The following PCDHA2 variants were observed in gnomAD, a reference collection of about 807,000 sequenced individuals.
PCDHA2 encodes protocadherin alpha 2, also known as protocadherin alpha-2.
A neutral mutation model predicts 66.0 loss-of-function variants in PCDHA2; 58 were observed. That is an observed-to-expected ratio of 0.88 (90% CI 0.71 to 1.09). The LOEUF (loss-of-function observed/expected upper bound fraction) is 1.09. Among genes scored for constraint, PCDHA2 ranks in the 50% least tolerant of loss-of-function variants. PCDHA2 has a pLI of 0.00. For synonymous variants in PCDHA2, 634 were observed against 554.0 expected (o/e 1.14, Z -2.03); for missense variants, 1,267 against 1,242.3 (o/e 1.02, Z -0.30).
At chr5:140,993,571 G>A (rs1298531948) in intron 3 of PCDHA2, among the ~76,000 whole-genome samples, 1 of 151,484 alleles carries the variant, frequency 6.6e-6, no homozygotes, top group Non-Finnish European at 1.5e-5. Flanking sequence ...TCCTTTCTAG[G>A]GATGCTTTTC....
At chr5:140,968,660 C>T in intron 1 of PCDHA2, 1 of 1,614,166 alleles carries the variant, frequency 6.2e-7, no homozygotes, top group Non-Finnish European at 8.5e-7. Flanking sequence ...TGACCTGGAC[C>T]TCTTTAAGGT....
At chr5:140,967,051 G>A in intron 1 of PCDHA2, 1 of 1,612,562 alleles carries the variant, frequency 6.2e-7, no homozygotes, top group Non-Finnish European at 8.5e-7. Context: ...TGGACCTGAC[G>A]AGTGGAGCGC....
At position 140,882,067 on chromosome 5, in the gene PCDHA2, G is replaced by A. The variant is rs1031145324; in HGVS notation, c.2388+84715G>A. 7.1e-6 allele frequency: 6 copies of A among 848,700 alleles called. No individual in the cohort carries two copies. The East Asian group carries it at 8.0e-5, about 11-fold the overall frequency. 52.6% of individuals were successfully genotyped at this position (848,700 alleles called of 1,614,324 possible). A position where few individuals can be genotyped will look rare whatever the true frequency, so the allele number is the denominator to read the frequency against. ...GTCATACTTACACTTACACGTTCATGCGCATGGTGTCGCTCTTCACTGAGA... is the reference window on the plus strand; with the variant it reads ...GTCATACTTACACTTACACGTTCATACGCATGGTGTCGCTCTTCACTGAGA... On this transcript the variant is annotated intron_variant, in intron 1 of 3. Transcript: ENST00000526136.
At chr5:140,962,438 G>A (rs1375451859) in intron 1 of PCDHA2, among the ~76,000 whole-genome samples, 3 of 152,108 alleles carry the variant, frequency 2.0e-5, no homozygotes, top group Non-Finnish European at 2.9e-5. Context: ...CTTATCCAAA[G>A]ATGGCTTGAA....
At chr5:140,895,912 A>G (rs1215168324) in intron 1 of PCDHA2, among the ~76,000 whole-genome samples, 1 of 152,146 alleles carries the variant, frequency 6.6e-6, no homozygotes, top group African/African-American at 2.4e-5. Context: ...CCCGGGCTCA[A>G]CAATTATCCT....
chr5:140,835,672 G>C, intron 1 of PCDHA2: 1 of 1,613,926 alleles, frequency 6.2e-7, no homozygotes, highest in Non-Finnish European at 8.5e-7. Flanking sequence ...GCGCGGGACG[G>C]GGGCTCGCCT....
intron 1 of PCDHA2, chr5:140,829,834 G>A (rs1263397985): frequency 2.5e-6 from 4 of 1,613,810 alleles, no homozygotes; most frequent in African/African-American, 2.7e-5. Flanking sequence ...GCGAGCTGGT[G>A]CCGCGGTCAC....
At chr5:140,828,896 C>G (rs138760871) in intron 1 of PCDHA2, 2 of 1,614,178 alleles carry the variant, frequency 1.2e-6, no homozygotes, top group Non-Finnish European at 1.7e-6. Flanking sequence ...TGCTTCTGAT[C>G]GGGATGAAGG....
chr5:140,970,471 G>T (rs773565871), intron 1 of PCDHA2, among the ~76,000 whole-genome samples: 1 of 152,142 alleles, frequency 6.6e-6, no homozygotes, highest in African/African-American at 2.4e-5. Context: ...TAGGTATAAG[G>T]CCAGCTTGTT....
chr5:140,821,600 G>C, intron 1 of PCDHA2: 1 of 730,846 alleles, frequency 1.4e-6, no homozygotes, highest in Non-Finnish European at 2.1e-6. Context: ...AGCCTCAAAG[G>C]AATACAGTGA....
intron 1 of PCDHA2, among the ~76,000 whole-genome samples, chr5:140,959,151 C>CAG (rs782425604): frequency 2.0e-4 from 30 of 152,084 alleles, no homozygotes; most frequent in African/African-American, 7.0e-4. Context: ...CCAAAGTGGG[C>CAG]AGATTGCTTG....
At chr5:140,809,556 A>G (rs782462557) in intron 1 of PCDHA2, 2 of 1,610,614 alleles carry the variant, frequency 1.2e-6, no homozygotes, top group South Asian at 1.1e-5. Flanking sequence ...CAGACAACTG[A>G]GGAATCCTTT....
intron 1 of PCDHA2, chr5:140,802,683 G>A: frequency 6.2e-7 from 1 of 1,613,150 alleles, no homozygotes; most frequent in East Asian, 2.2e-5. Context: ...CTCGCTGGTG[G>A]AACGGCGGGT....
intron 1 of PCDHA2, chr5:140,822,382 G>C: frequency 6.2e-7 from 1 of 1,614,100 alleles, no homozygotes; most frequent in Non-Finnish European, 8.5e-7. Context: ...AGATAGAGAA[G>C]AAACACAAGA....
At chr5:141,002,203 G>T (rs2153973237) in intron 3 of PCDHA2, among the ~76,000 whole-genome samples, 1 of 152,296 alleles carries the variant, frequency 6.6e-6, no homozygotes, top group East Asian at 1.9e-4. Flanking sequence ...ATAGTCCCCG[G>T]CTTTAATCAA....
chr5:140,900,586 AC>A (rs1554189274), intron 1 of PCDHA2, among the ~76,000 whole-genome samples: 1 of 151,926 alleles, frequency 6.6e-6, no homozygotes, highest in African/African-American at 2.4e-5. Flanking sequence ...CATTTTCTTT[AC>A]CCGTTCATCT....
chr5:140,851,389 TCTATTATTTTAATAA>T, intron 1 of PCDHA2: 2 of 974,212 alleles, frequency 2.1e-6, no homozygotes, highest in Non-Finnish European at 2.5e-6. Flanking sequence ...ACCTTCAGTA[TCTATTATTTTAATAA>T]GAAAGAAACT....
chr5:140,836,225 G>A (rs1774300222), intron 1 of PCDHA2: 1 of 1,613,770 alleles, frequency 6.2e-7, no homozygotes, highest in Non-Finnish European at 8.5e-7. Flanking sequence ...TGCAACCGGT[G>A]GCGGCCGGTG....
chr5:140,884,168 A>G (rs1562800814), intron 1 of PCDHA2: 1 of 1,613,300 alleles, frequency 6.2e-7, no homozygotes, highest in South Asian at 1.1e-5. Context: ...GATCAGCACG[A>G]CGCGCCCTCT....
Sources: allele counts gnomAD v4.1 joint callset (sites outside exome capture counted in the v4.1 genomes callset), GRCh38; gene constraint gnomAD v4.1.1; transcripts MANE v1.5; gene names NCBI Gene and HGNC (gene_info 2026-07-23, HGNC 2026-07-21).